Variants in RRBP1 observed in about 807,000 individuals in gnomAD.
The protein encoded by RRBP1 is ribosome-binding protein 1.
A neutral mutation model predicts 165.2 loss-of-function variants in RRBP1; 94 were observed. That is an observed-to-expected ratio of 0.57 (90% CI 0.48 to 0.68). The LOEUF is 0.68. RRBP1 is among the 30% of genes least tolerant of loss of function. The pLI, the probability that RRBP1 is intolerant of heterozygous loss-of-function variation, is 0.00. For missense variants in RRBP1, 1,676 were observed against 1,763.0 expected, an observed-to-expected ratio of 0.95 and a Z score of 0.88; for synonymous variants, 680 against 714.5, an observed-to-expected ratio of 0.95 and a Z score of 0.77.
chr20:17,629,736 G>A (rs1002742377), intron 9 of RRBP1, 87 bp downstream of exon 9: 3 of 1,402,874 alleles, frequency 2.1e-6, no homozygotes, highest in Non-Finnish European at 2.9e-6. Context: ...CTAACCCACT[G>A]AGTTCTGGCA....
chr20:17,658,454 C>A, intron 3 of RRBP1, 142 bp downstream of exon 3: 1 of 673,244 alleles, frequency 1.5e-6, no homozygotes, highest in South Asian at 2.4e-5. Context: ...TGTTGAAGGC[C>A]ACTGAATTTT....
chr20:17,615,620 GC>G, intron 22 of RRBP1, 91 bp from the exon 23 acceptor site: 54 of 980,716 alleles, frequency 5.5e-5, no homozygotes, highest in Non-Finnish European at 7.0e-5. Context: ...GGACCAGGGG[GC>G]CCCCCCAGCC....
intron 3 of RRBP1, among the ~76,000 whole-genome samples, chr20:17,644,535 C>G (rs1348947575): frequency 6.6e-6 from 1 of 152,210 alleles, no homozygotes; most frequent in Non-Finnish European, 1.5e-5. Flanking sequence ...TGTCTACTGC[C>G]AGCACTTTCC....
chr20:17,659,350 C>T lies in RRBP1; in HGVS notation c.1158G>A (p.Gln386=), dbSNP rs1353868488. The change falls in exon 3 of 25, where the codon CAG becomes CAA. Residue 386 remains glutamine (Q), a synonymous_variant. Transcript: ENST00000377813. ...QNQGKKAEGA[Q]NQGKKVEGAQ... is the part of the protein sequence containing the mutation. ...CCCCTTCTACTTTTTTGCCCTGGTT[C>T]TGAGCCCCCTCGGCCTTTTTGCCCT... 3.9e-6 allele frequency: 6 copies of T among 1,536,098 alleles called. No individual in the cohort carries two copies. The highest frequency in any genetic ancestry group is 5.3e-6 in the Non-Finnish European group (6 of 1,142,030).
intron 6 of RRBP1, 111 bp downstream of exon 6, chr20:17,636,466 A>C: frequency 7.6e-7 from 1 of 1,309,212 alleles, no homozygotes; most frequent in Non-Finnish European, 1.1e-6. Context: ...CCCTGTGGGC[A>C]TCCTCAACCC....
chr20:17,641,496 G>A (rs758446195), intron 5 of RRBP1: 3 of 466,058 alleles, frequency 6.4e-6, no homozygotes, highest in African/African-American at 2.0e-5. Flanking sequence ...AGCCAGGTCT[G>A]GTCCATCCCC....
intron 5 of RRBP1, among the ~76,000 whole-genome samples, chr20:17,637,075 C>G (rs772614116): frequency 2.2e-4 from 34 of 152,078 alleles, no homozygotes; most frequent in Admixed American, 3.3e-4. Context: ...CCCAGCTTGA[C>G]TCAGTCACCA....
At chr20:17,624,758 C>T (rs1268951124) in intron 12 of RRBP1, 90 bp from the exon 13 acceptor site, 1 of 892,016 alleles carries the variant, frequency 1.1e-6, no homozygotes, top group African/African-American at 1.7e-5. Context: ...CCCAGAGACC[C>T]TCCTTGATGC....
intron 2 of RRBP1, among the ~76,000 whole-genome samples, chr20:17,668,560 TA>T (rs2036913539): frequency 1.3e-5 from 2 of 152,180 alleles, no homozygotes; most frequent in Non-Finnish European, 2.9e-5. Context: ...TCTTACAAAT[TA>T]TCAGGAGACT....
At chr20:17,629,379 C>G (rs982454211) in intron 9 of RRBP1, among the ~76,000 whole-genome samples, 4 of 152,244 alleles carry the variant, frequency 2.6e-5, no homozygotes, top group Non-Finnish European at 5.9e-5. Flanking sequence ...TCCTGCCTGG[C>G]CTTCTGGGCT....
At position 17,644,421 on chromosome 20, in the gene RRBP1, A is replaced by G. The variant is rs556586227; in HGVS notation, c.1913-1294T>C. On this transcript the variant is annotated intron_variant, in intron 3 of 24. Transcript: ENST00000377813. ...AGAGAAAATTCTAACCCAAAAGCCA[A>G]AAGAAAATAAAAACATGCATGGCTC... Among the ~76,000 whole-genome samples the G allele has an allele frequency of 5.3e-5, 8 of 152,326 alleles. No homozygotes were observed. In the East Asian group the frequency reaches 1.5e-3, roughly 29 times the overall value.
At chr20:17,674,350 A>C (rs2037034534) in intron 2 of RRBP1, among the ~76,000 whole-genome samples, 2 of 152,230 alleles carry the variant, frequency 1.3e-5, no homozygotes, top group Non-Finnish European at 2.9e-5. Flanking sequence ...CTGCCACACA[A>C]AATTCCTCTG....
intron 2 of RRBP1, among the ~76,000 whole-genome samples, chr20:17,679,057 C>T (rs1314773571): frequency 1.3e-5 from 2 of 152,150 alleles, no homozygotes; most frequent in Non-Finnish European, 2.9e-5. Context: ...TTTGGAAGGC[C>T]GGGCCCACAT....
chr20:17,660,557 T>A, intron 2 of RRBP1, 29 bp from the exon 3 acceptor site: 1 of 1,394,920 alleles, frequency 7.2e-7, no homozygotes, highest in Non-Finnish European at 1.0e-6. Flanking sequence ...GGTTACTATT[T>A]ATAGAAATCA....
At chr20:17,660,845 C>T (rs933000320) in intron 2 of RRBP1, among the ~76,000 whole-genome samples, 3 of 152,154 alleles carry the variant, frequency 2.0e-5, no homozygotes, top group South Asian at 4.1e-4. Context: ...ATATTCCCCA[C>T]CCAAGGTCAA....
intron 8 of RRBP1, among the ~76,000 whole-genome samples, chr20:17,630,501 C>T (rs2036127499): frequency 6.6e-6 from 1 of 152,242 alleles, no homozygotes. Context: ...ATTTCACATG[C>T]TTCAAAAGTA....
At position 17,613,960 on chromosome 20, in the gene RRBP1, G is replaced by A. The variant is rs115981891; in HGVS notation, c.*222C>T. Reference sequence around the variant, plus strand: ...TCACTCGGCGGTGGCCCGGGGCTGCGCCCAGGATAGTGTTTATCAAATGTG... The same window carrying A: ...TCACTCGGCGGTGGCCCGGGGCTGCACCCAGGATAGTGTTTATCAAATGTG... On this transcript the variant is annotated 3_prime_UTR_variant, in exon 25 of 25. Coordinates refer to ENST00000377813, the MANE Select transcript of RRBP1 (RefSeq NM_001365613.2). 1,838 of 561,636 alleles carry A rather than the reference G, an allele frequency of 3.3e-3. 24 individuals carry two copies. The highest frequency in any genetic ancestry group is 0.029 in the African/African-American group (1,526 of 53,372). 34.8% of individuals were successfully genotyped at this position (561,636 alleles called of 1,614,324 possible).
rs1047255486 is a variant in RRBP1 at position 17,614,372 on chromosome 20, C to T, written c.4195-152G>A. ...GAACAGGAGCCACAGACCCCTGGGGCTGGGGGACAGGGAGGACTTGGTGGG... is the reference window on the plus strand; with the variant it reads ...GAACAGGAGCCACAGACCCCTGGGGTTGGGGGACAGGGAGGACTTGGTGGG... On this transcript the variant is annotated intron_variant, in intron 24 of 24. Transcript: ENST00000377813. The T allele has an allele frequency of 1.6e-5, 12 of 736,444 alleles. No individual in the cohort carries two copies. In the East Asian group the frequency reaches 3.2e-4, roughly 19 times the overall value. The allele number at this position is 736,444 out of a possible 1,614,324, so 45.6% of individuals were successfully genotyped here.
chr20:17,617,538 T>G (rs909110212), intron 20 of RRBP1, among the ~76,000 whole-genome samples: 4 of 152,202 alleles, frequency 2.6e-5, no homozygotes, highest in Admixed American at 6.5e-5. Flanking sequence ...AATAACGAAC[T>G]GCACAGCTGG....
Sources: gnomAD v4.1 joint callset for allele counts (sites outside exome capture counted in the v4.1 genomes callset) on GRCh38, gnomAD v4.1.1 for gene constraint, MANE v1.5 for transcripts, NCBI Gene and HGNC (gene_info 2026-07-23, HGNC 2026-07-21) for gene names.